The following ZC2HC1B variants were observed in gnomAD, a reference collection of about 807,000 sequenced individuals.
ZC2HC1B encodes the protein zinc finger C2HC domain-containing protein 1B.
In ZC2HC1B, 36 loss-of-function variants were observed where a neutral mutation model predicts 31.0. The ratio of observed to expected loss-of-function variants is 1.16; its 90% CI spans 0.89 to 1.54. The LOEUF is 1.54. ZC2HC1B is among the 40% of genes most tolerant of loss of function. The pLI is 0.00. For synonymous variants in ZC2HC1B, 73 were observed against 88.0 expected, an observed-to-expected ratio of 0.83 and a Z score of 0.95; for missense variants, 260 against 268.6, an observed-to-expected ratio of 0.97 and a Z score of 0.22.
In ZC2HC1B at chr6:143,895,766, C is replaced by T. The variant is rs571013916; in HGVS notation, c.350-2786C>T. 4.6e-4 allele frequency among the ~76,000 whole-genome samples: 70 copies of T among 152,266 alleles called. 1 individual carries two copies. The highest frequency in any genetic ancestry group is 1.7e-3 in the African/African-American group (69 of 41,540). On this transcript the variant is annotated intron_variant, in intron 4 of 7. Transcript: ENST00000237275. The surrounding 1 kb of genome is among the most constrained non-coding windows in gnomAD (Gnocchi z 4.8). ...TAGCTACATAGACACGGATACACAG[C>T]ACAATATTGGCATTTTAAAATAATG... is the stretch of plus-strand genomic sequence containing the variant.
chr6:143,879,095 G>A lies in ZC2HC1B; in HGVS notation c.29-5209G>A, dbSNP rs111382980. ...CCCCTTGGTCCTCCATATTTTGACA[G>A]TCTCTTCCTCCTCATTCGCCTGCCT... On this transcript the variant is annotated intron_variant, in intron 1 of 7. Coordinates refer to ENST00000237275, the MANE Select transcript of ZC2HC1B (RefSeq NM_001013623.3). 6.8e-4 allele frequency among the ~76,000 whole-genome samples: 103 copies of A among 152,250 alleles called. 2 individuals are homozygous for A. The highest frequency in any genetic ancestry group is 2.4e-3 in the African/African-American group (99 of 41,542).
At chr6:143,906,320 A>G (rs1209739954) in intron 6 of ZC2HC1B, among the ~76,000 whole-genome samples, 1 of 152,038 alleles carries the variant, frequency 6.6e-6, no homozygotes, top group East Asian at 1.9e-4. Context: ...TTTTTGGTAT[A>G]TATTTTTTCA....
Position 143,903,030 on chromosome 6 carries a change from T to TTC in ZC2HC1B, c.490-6_490-5dup. 1 of 1,551,270 alleles carries TTC rather than the reference T, an allele frequency of 6.4e-7. No individual in the cohort carries two copies. Among genetic ancestry groups the TTC allele is most frequent in the Non-Finnish European group, 8.7e-7 (1 of 1,146,668 alleles). ...GAAGGTGTTCTCTTTGTCTCTTTCT[T>TTC]TCTCTCTCTGTAGGGTAGGGCTCAG... is the stretch of plus-strand genomic sequence containing the variant. On this transcript the variant is annotated splice_polypyrimidine_tract_variant and intron_variant, in intron 5 of 7. Transcript: ENST00000237275. This position sits in a 1 kb window ranked among gnomAD's most constrained non-coding sequence, Gnocchi z 4.3.
In ZC2HC1B at chr6:143,886,759, G is replaced by A. The variant is rs1777534409; in HGVS notation, c.287G>A (p.Cys96Tyr). The A allele has an allele frequency of 1.9e-6, 3 of 1,549,798 alleles. No individual in the cohort carries two copies. Among genetic ancestry groups the A allele is most frequent in the African/African-American group, 1.4e-5 (1 of 72,962 alleles). Residue 96 changes from cysteine (C) to tyrosine (Y), a missense_variant, in exon 4 of 8, where the codon TGT becomes TAT. Cys to Tyr is a radical substitution (Grantham distance 194). Coordinates refer to ENST00000237275, the MANE Select transcript of ZC2HC1B (RefSeq NM_001013623.3). The surrounding 1 kb of genome is among the most constrained non-coding windows in gnomAD (Gnocchi z 4.2). Reference protein sequence around the residue: ...FINAIRSAKQCMLAIKEGRPL... With the variant: ...FINAIRSAKQYMLAIKEGRPL... ...AATGCAATCCGATCAGCAAAGCAGT[G>A]TATGCTAGCCATTAAAGAAGGCCGA...
Position 143,915,025 on chromosome 6 carries a change from T to C in ZC2HC1B, c.598+11873T>C, listed in dbSNP as rs1777900994. On this transcript the variant is annotated intron_variant, in intron 6 of 7. Transcript: ENST00000237275. The surrounding 1 kb of genome is among the most constrained non-coding windows in gnomAD (Gnocchi z 5.2). ...TGATAAGGAGAGACATTTGTCATTC[T>C]GGTATATGTTTTCTATATGCCTTAC... 6.6e-6 allele frequency among the ~76,000 whole-genome samples: 1 copy of C among 152,348 alleles called. No homozygotes were observed. Among genetic ancestry groups the C allele is most frequent in the African/African-American group, 2.4e-5 (1 of 41,588 alleles).
In ZC2HC1B at chr6:143,886,906, A is replaced by C. The variant is rs1036706256; in HGVS notation, c.349+85A>C. The C allele has an allele frequency of 2.5e-6, 3 of 1,197,556 alleles. No homozygotes were observed. The highest frequency in any genetic ancestry group is 3.3e-6 in the Non-Finnish European group (3 of 917,008). 74.2% of individuals were successfully genotyped at this position (1,197,556 alleles called of 1,614,324 possible). On this transcript the variant is annotated intron_variant, in intron 4 of 7. Transcript: ENST00000237275. The surrounding 1 kb of genome is among the most constrained non-coding windows in gnomAD (Gnocchi z 4.2). ...GCCCTCTATGCACTCTGAAATTGACAATAACAATTACATAGAAGTAATTTT... is the reference window on the plus strand; with the variant it reads ...GCCCTCTATGCACTCTGAAATTGACCATAACAATTACATAGAAGTAATTTT...
intron 5 of ZC2HC1B, among the ~76,000 whole-genome samples, chr6:143,901,661 C>G (rs1053187247): frequency 2.0e-5 from 3 of 152,044 alleles, no homozygotes; most frequent in Non-Finnish European, 4.4e-5. Context: ...TCATGTGTAC[C>G]TTGCTGAGTT....
chr6:143,883,691 T>G lies in ZC2HC1B; in HGVS notation c.29-613T>G, dbSNP rs906436418. On this transcript the variant is annotated intron_variant, in intron 1 of 7. Coordinates refer to ENST00000237275, the MANE Select transcript of ZC2HC1B (RefSeq NM_001013623.3). This position sits in a 1 kb window ranked among gnomAD's most constrained non-coding sequence, Gnocchi z 4.1. ...CTTTTCTCATGATACTTTTCCAATG[T>G]CATTAATTTATCTGCATACTTTTTT... Among the ~76,000 whole-genome samples, 1 of 152,254 alleles carries G rather than the reference T, an allele frequency of 6.6e-6. No homozygotes were observed. Among genetic ancestry groups the G allele is most frequent in the African/African-American group, 2.4e-5 (1 of 41,470 alleles).
At chr6:143,937,525 C>A in intron 6 of ZC2HC1B, 124 bp from the exon 7 acceptor site, 4 of 551,994 alleles carry the variant, frequency 7.2e-6, no homozygotes, top group East Asian at 4.5e-5. Flanking sequence ...CACTCCCCCA[C>A]CTCCCACCAA....
At chr6:143,900,074 G>C (rs187071050) in intron 5 of ZC2HC1B, among the ~76,000 whole-genome samples, 1 of 152,116 alleles carries the variant, frequency 6.6e-6, no homozygotes, top group Admixed American at 6.5e-5. Flanking sequence ...TCTGGGGAGC[G>C]AAAGCATAGA....
intron 6 of ZC2HC1B, among the ~76,000 whole-genome samples, chr6:143,913,000 A>G (rs1777878533): frequency 6.6e-6 from 1 of 152,244 alleles, no homozygotes; most frequent in South Asian, 2.1e-4. Context: ...TCTTGCTTAA[A>G]GAAGCAGTCT....
chr6:143,890,649 T>C (rs1450775263), intron 4 of ZC2HC1B, among the ~76,000 whole-genome samples: 1 of 152,134 alleles, frequency 6.6e-6, no homozygotes, highest in Non-Finnish European at 1.5e-5. Context: ...AAAAAGCATG[T>C]AAATTGGGGA....
intron 6 of ZC2HC1B, among the ~76,000 whole-genome samples, chr6:143,935,015 G>A (rs570284157): frequency 6.6e-6 from 1 of 152,178 alleles, no homozygotes; most frequent in Non-Finnish European, 1.5e-5. Context: ...TAACATTGAT[G>A]GTGGTAGACC....
At position 143,922,462 on chromosome 6, in the gene ZC2HC1B, C is replaced by T. The variant is rs937569005; in HGVS notation, c.599-15187C>T. On this transcript the variant is annotated intron_variant, in intron 6 of 7. Coordinates refer to ENST00000237275, the MANE Select transcript of ZC2HC1B (RefSeq NM_001013623.3). The surrounding 1 kb of genome is among the most constrained non-coding windows in gnomAD (Gnocchi z 5.0). ...ATTTCGTACCTACTAACCAACCTCT[C>T]CACCAGCACCCTGCCACACACATAC... 2.0e-5 allele frequency among the ~76,000 whole-genome samples: 3 copies of T among 152,130 alleles called. No homozygotes were observed. Among genetic ancestry groups the T allele is most frequent in the African/African-American group, 7.2e-5 (3 of 41,436 alleles).
Position 143,884,259 on chromosome 6 carries a change from GA to G in ZC2HC1B, c.29-42del. The G allele has an allele frequency of 6.7e-7, 1 of 1,485,730 alleles. No individual in the cohort carries two copies. Among genetic ancestry groups the G allele is most frequent in the South Asian group, 1.3e-5 (1 of 77,680 alleles). The allele number at this position is 1,485,730 out of a possible 1,614,324, so 92.0% of individuals were successfully genotyped here. A position where few individuals can be genotyped will look rare whatever the true frequency, so the allele number is the denominator to read the frequency against. ...CAGTCAGTCATTTCTTCTCAGCGAG[GA>G]AATTCCATGAAACTAACATAATGTG... On this transcript the variant is annotated intron_variant, in intron 1 of 7. Transcript: ENST00000237275. The surrounding 1 kb of genome is among the most constrained non-coding windows in gnomAD (Gnocchi z 5.1).
chr6:143,916,182 G>C (rs1355591955), intron 6 of ZC2HC1B, among the ~76,000 whole-genome samples: 1 of 152,232 alleles, frequency 6.6e-6, no homozygotes, highest in African/African-American at 2.4e-5. Flanking sequence ...AAGGGGCCAA[G>C]GTACAGCTCA....
rs1777332716 is a variant in ZC2HC1B at position 143,871,320 on chromosome 6, A to T, written c.28+6753A>T. Reference sequence around the variant, plus strand: ...AGTGATCAAGGTCTCTCTGAATAAGATTATGACACAAAGCCAAACAGTTAA... The same window carrying T: ...AGTGATCAAGGTCTCTCTGAATAAGTTTATGACACAAAGCCAAACAGTTAA... On this transcript the variant is annotated intron_variant, in intron 1 of 7. Coordinates refer to ENST00000237275, the MANE Select transcript of ZC2HC1B (RefSeq NM_001013623.3). This position sits in a 1 kb window ranked among gnomAD's most constrained non-coding sequence, Gnocchi z 4.1. Among the ~76,000 whole-genome samples the T allele has an allele frequency of 6.6e-6, 1 of 152,216 alleles. No homozygotes were observed. Among genetic ancestry groups the T allele is most frequent in the South Asian group, 2.1e-4 (1 of 4,828 alleles).
rs1281465241 is a variant in ZC2HC1B, at chr6:143,937,589, C to CT, written c.599-53dup. On this transcript the variant is annotated intron_variant, in intron 6 of 7. Coordinates refer to ENST00000237275, the MANE Select transcript of ZC2HC1B (RefSeq NM_001013623.3). Reference sequence around the variant, plus strand: ...CCATGTGGGGATTTCACAATCATGTCTTTTTTTCTTGGTAATGTTCTGCTT... The same window carrying CT: ...CCATGTGGGGATTTCACAATCATGTCTTTTTTTTCTTGGTAATGTTCTGCTT... The CT allele has an allele frequency of 4.4e-6, 6 of 1,376,600 alleles. No individual in the cohort carries two copies. In the Admixed American group the frequency reaches 1.3e-4, roughly 31 times the overall value. The allele number at this position is 1,376,600 out of a possible 1,614,324, so 85.3% of individuals were successfully genotyped here.
chr6:143,877,065 A>C (rs1373543392), intron 1 of ZC2HC1B, among the ~76,000 whole-genome samples: 1 of 150,080 alleles, frequency 6.7e-6, no homozygotes, highest in Admixed American at 6.6e-5. Flanking sequence ...TTTTGGAAAT[A>C]ATTAAAAATT....
Sources: gnomAD v4.1 joint callset for allele counts (sites outside exome capture counted in the v4.1 genomes callset) on GRCh38, gnomAD v4.1.1 for gene constraint, Gnocchi (gnomAD v3.1) non-coding constraint, MANE v1.5 for transcripts, NCBI Gene and HGNC (gene_info 2026-07-23, HGNC 2026-07-21) for gene names.